DPYS: variants seen among roughly 807,000 people sequenced by gnomAD.
The protein encoded by DPYS is dihydropyrimidine amidohydrolase.
In DPYS, 39 loss-of-function variants were observed where a neutral mutation model predicts 50.3. That is an observed-to-expected ratio of 0.78 (90% CI 0.60 to 1.01). DPYS has a LOEUF of 1.01. Among genes scored for constraint, DPYS ranks in the 50% least tolerant of loss-of-function variants. The probability of loss-of-function intolerance (pLI) is 0.00; values close to 1 mark genes in which losing one functional copy is unlikely to be tolerated. For synonymous variants in DPYS, 245 were observed against 250.7 expected, an observed-to-expected ratio of 0.98 and a Z score of 0.22; for missense variants, 659 against 680.9, an observed-to-expected ratio of 0.97 and a Z score of 0.36.
intron 4 of DPYS, among the ~76,000 whole-genome samples, chr8:104,431,049 G>T (rs1167480220): frequency 6.6e-6 from 1 of 152,192 alleles, no homozygotes; most frequent in Non-Finnish European, 1.5e-5. Context: ...AGTATGAAGA[G>T]ACCTTCCTAT....
chr8:104,428,026 A>G lies in DPYS; in HGVS notation c.1046T>C (p.Val349Ala). 6.2e-7 allele frequency: 1 copy of G among 1,614,102 alleles called. No individual in the cohort carries two copies. Among genetic ancestry groups the G allele is most frequent in the African/African-American group, 1.3e-5 (1 of 75,012 alleles). ...GGACATCCGATCTTCAACACCATTC[A>G]CCCCATTGGGGATCTTGGTAAAATC... ...KDDFTKIPNG[V>A]NGVEDRMSVI... The change falls in exon 6 of 10, where the codon GTG (valine) becomes GCG (alanine). Residue 349 changes from valine to alanine, a missense_variant. By Grantham distance (64) the Val-to-Ala change is moderately conservative (BLOSUM62 0). Coordinates refer to ENST00000351513, the MANE Select transcript of DPYS (RefSeq NM_001385.3).
intron 7 of DPYS, among the ~76,000 whole-genome samples, chr8:104,408,012 T>C (rs550915026): frequency 6.6e-6 from 1 of 152,122 alleles, no homozygotes; most frequent in South Asian, 2.1e-4. Flanking sequence ...ATTCAATGGG[T>C]TTATCATACA....
At chr8:104,455,011 G>A (rs1224689951) in intron 1 of DPYS, among the ~76,000 whole-genome samples, 1 of 152,156 alleles carries the variant, frequency 6.6e-6, no homozygotes, top group Admixed American at 6.5e-5. Context: ...CTCCATTTTA[G>A]GGTGGTGAAT....
chr8:104,456,744 C>T (rs1026652977), intron 1 of DPYS, among the ~76,000 whole-genome samples: 2 of 152,190 alleles, frequency 1.3e-5, no homozygotes, highest in African/African-American at 4.8e-5. Flanking sequence ...ACCTGGCTCA[C>T]AAATCAATTA....
chr8:104,455,168 G>A (rs545916869), intron 1 of DPYS, among the ~76,000 whole-genome samples: 5 of 152,204 alleles, frequency 3.3e-5, no homozygotes, highest in East Asian at 1.9e-4. Flanking sequence ...ATACAGAACC[G>A]TCAATAACTT....
At chr8:104,412,578 G>A (rs1812221414) in intron 7 of DPYS, among the ~76,000 whole-genome samples, 1 of 152,126 alleles carries the variant, frequency 6.6e-6, no homozygotes, top group Non-Finnish European at 1.5e-5. Flanking sequence ...CTGGAGCTTT[G>A]TTGTCTTCAC....
chr8:104,432,711 T>C (rs928245561), intron 4 of DPYS, among the ~76,000 whole-genome samples: 2 of 152,264 alleles, frequency 1.3e-5, no homozygotes, highest in Non-Finnish European at 2.9e-5. Context: ...CTGGTGACAT[T>C]GTACAAGGTA....
chr8:104,463,579 G>C (rs1048082572), intron 1 of DPYS, among the ~76,000 whole-genome samples: 2 of 152,300 alleles, frequency 1.3e-5, no homozygotes, highest in South Asian at 2.1e-4. Context: ...TACAACCTTA[G>C]GCAGGTAGCT....
At position 104,466,942 on chromosome 8, in the gene DPYS, TACTCGGCCC is replaced by T. The variant is rs1588471343; in HGVS notation, c.-31_-23del. ...CCATAGCGAGGGGCGCGCGGGGTCCTACTCGGCCCGGGCTGCGCGCAGGGGCTGGGTTGG... is the reference window on the plus strand; with the variant it reads ...CCATAGCGAGGGGCGCGCGGGGTCCTGGGCTGCGCGCAGGGGCTGGGTTGG... On this transcript the variant is annotated 5_prime_UTR_variant, in exon 1 of 10. Transcript: ENST00000351513. 1 of 1,427,786 alleles carries T rather than the reference TACTCGGCCC, an allele frequency of 7.0e-7. No homozygotes were observed. The highest frequency in any genetic ancestry group is 2.8e-5 in the East Asian group (1 of 35,146). 88.4% of individuals were successfully genotyped at this position (1,427,786 alleles called of 1,614,324 possible). A position where few individuals can be genotyped will look rare whatever the true frequency, so the allele number is the denominator to read the frequency against.
chr8:104,434,336 G>C (rs1394968818), intron 4 of DPYS, among the ~76,000 whole-genome samples: 1 of 152,196 alleles, frequency 6.6e-6, no homozygotes, highest in Non-Finnish European at 1.5e-5. Context: ...CTTAAGGTCT[G>C]TGTTGATGTT....
At chr8:104,432,840 T>C (rs1159090346) in intron 4 of DPYS, among the ~76,000 whole-genome samples, 1 of 152,236 alleles carries the variant, frequency 6.6e-6, no homozygotes, top group African/African-American at 2.4e-5. Flanking sequence ...AGAATCTTCC[T>C]GGGACCCTGG....
At chr8:104,440,453 A>G (rs1564105207) in intron 4 of DPYS, among the ~76,000 whole-genome samples, 1 of 152,168 alleles carries the variant, frequency 6.6e-6, no homozygotes, top group Non-Finnish European at 1.5e-5. Flanking sequence ...TAGGGACCAC[A>G]CTGTGAGAGT....
chr8:104,448,416 A>T (rs1416804711), intron 2 of DPYS, among the ~76,000 whole-genome samples: 1 of 152,128 alleles, frequency 6.6e-6, no homozygotes, highest in Non-Finnish European at 1.5e-5. Flanking sequence ...TTGGCCTCCC[A>T]AAGTGCTGGA....
chr8:104,441,811 A>T (rs142345210), intron 4 of DPYS, among the ~76,000 whole-genome samples: 2 of 152,358 alleles, frequency 1.3e-5, no homozygotes, highest in East Asian at 3.9e-4. Context: ...AAGATTGGAA[A>T]CAACCCAGAT....
intron 8 of DPYS, among the ~76,000 whole-genome samples, chr8:104,388,134 T>C (rs768794345): frequency 6.6e-6 from 1 of 152,186 alleles, no homozygotes; most frequent in Non-Finnish European, 1.5e-5. Flanking sequence ...GAGAAAGACA[T>C]TGACAAATGG....
At chr8:104,383,381 G>A (rs531331315) in intron 8 of DPYS, among the ~76,000 whole-genome samples, 6 of 152,178 alleles carry the variant, frequency 3.9e-5, no homozygotes, top group Middle Eastern at 3.4e-3. Flanking sequence ...CTGTTCACTC[G>A]TCAGTCTCCC....
intron 2 of DPYS, among the ~76,000 whole-genome samples, chr8:104,448,383 C>T (rs553165000): frequency 2.6e-5 from 4 of 152,138 alleles, no homozygotes; most frequent in South Asian, 4.2e-4. Flanking sequence ...CTTGCATTCC[C>T]GACCTCAAGT....
chr8:104,402,832 T>G (rs1235722989), intron 7 of DPYS, among the ~76,000 whole-genome samples: 1 of 152,096 alleles, frequency 6.6e-6, no homozygotes, highest in Non-Finnish European at 1.5e-5. Context: ...GGGAAGGTGA[T>G]CACATCCACC....
intron 1 of DPYS, among the ~76,000 whole-genome samples, chr8:104,457,765 T>C (rs1157666592): frequency 6.6e-6 from 1 of 152,226 alleles, no homozygotes; most frequent in Admixed American, 6.5e-5. Context: ...CTCAGCTTTG[T>C]AAAGATGTCT....
Sources: allele counts gnomAD v4.1 joint callset (sites outside exome capture counted in the v4.1 genomes callset), GRCh38; gene constraint gnomAD v4.1.1; transcripts MANE v1.5; gene names NCBI Gene and HGNC (gene_info 2026-07-23, HGNC 2026-07-21).